Variants in FGF14 observed in about 807,000 individuals in gnomAD.
FGF14 encodes fibroblast growth factor homologous factor 4.
Under a neutral mutation model 25.5 loss-of-function variants are expected in FGF14, and 5 were observed. That is an observed-to-expected ratio of 0.20 (90% CI 0.10 to 0.41). The LOEUF is 0.41. Among genes scored for constraint, FGF14 ranks in the 10% least tolerant of loss-of-function variants. The probability of loss-of-function intolerance (pLI) is 1.00; values close to 1 mark genes in which losing one functional copy is unlikely to be tolerated. For synonymous variants in FGF14, 138 were observed against 118.3 expected, an observed-to-expected ratio of 1.17 and a Z score of -1.08; for missense variants, 222 against 320.1, an observed-to-expected ratio of 0.69 and a Z score of 2.34.
intron 1 of FGF14, 29 bp from the exon 2 acceptor site, chr13:101,875,325 C>A: frequency 3.5e-6 from 5 of 1,431,902 alleles, no homozygotes; most frequent in Non-Finnish European, 4.9e-6. Flanking sequence ...TATCATAAGC[C>A]TCACAATGTG....
chr13:102,061,662 G>GCTTCT (rs2042695957), intron 1 of FGF14, among the ~76,000 whole-genome samples: 1 of 152,142 alleles, frequency 6.6e-6, no homozygotes. Context: ...CTAAAACCTG[G>GCTTCT]AGAGTCTTTG....
chr13:102,284,909 A>G (rs1303864816), intron 1 of FGF14, among the ~76,000 whole-genome samples: 2 of 149,024 alleles, frequency 1.3e-5, no homozygotes, highest in Middle Eastern at 3.4e-3. Flanking sequence ...TTCCTTTTCT[A>G]TTTCTCTCTC....
rs569480661 is a variant in FGF14 at position 101,831,673 on chromosome 13, CT to C, written c.408+37051del. Among the ~76,000 whole-genome samples, 474 of 152,218 alleles carry C rather than the reference CT, an allele frequency of 3.1e-3. 3 individuals carry two copies. Among genetic ancestry groups the C allele is most frequent in the Admixed American group, 4.8e-3 (73 of 15,276 alleles). ...TATTCACTCATTTAGTAAGCATTTA[CT>C]TTTCTACTGTACCAGACTCTGCATA... On this transcript the variant is annotated intron_variant, in intron 3 of 4. Coordinates refer to ENST00000376143, the MANE Select transcript of FGF14 (RefSeq NM_004115.4).
intron 1 of FGF14, among the ~76,000 whole-genome samples, chr13:101,986,377 C>G (rs1376819251): frequency 6.6e-6 from 1 of 152,204 alleles, no homozygotes; most frequent in East Asian, 1.9e-4. Flanking sequence ...AGTTCAATAA[C>G]TTTCTCATAT....
At chr13:101,865,121 C>T (rs1028449133) in intron 3 of FGF14, among the ~76,000 whole-genome samples, 1 of 152,164 alleles carries the variant, frequency 6.6e-6, no homozygotes, top group Non-Finnish European at 1.5e-5. Flanking sequence ...GCCAGAAACA[C>T]ATTCTCACTT....
intron 1 of FGF14, among the ~76,000 whole-genome samples, chr13:101,907,179 T>C (rs1186998290): frequency 1.3e-5 from 2 of 152,134 alleles, no homozygotes; most frequent in African/African-American, 2.4e-5. Context: ...AGCCACTCTG[T>C]CCAAACACAA....
At chr13:101,780,351 T>TA (rs1047387068) in intron 3 of FGF14, among the ~76,000 whole-genome samples, 2 of 152,182 alleles carry the variant, frequency 1.3e-5, no homozygotes, top group Non-Finnish European at 2.9e-5. Context: ...CAGCCAGAAA[T>TA]ACTGCTGCTG....
At chr13:102,014,718 TG>T (rs554724313) in intron 1 of FGF14, among the ~76,000 whole-genome samples, 5 of 152,192 alleles carry the variant, frequency 3.3e-5, no homozygotes, top group African/African-American at 4.8e-5. Flanking sequence ...CGTATGTAAA[TG>T]ATTATTTCAT....
intron 1 of FGF14, among the ~76,000 whole-genome samples, chr13:102,202,567 TG>T (rs35925961): frequency 6.6e-6 from 1 of 152,208 alleles, no homozygotes; most frequent in African/African-American, 2.4e-5. Flanking sequence ...CCTGCTGCAT[TG>T]GGGGAAAAAG....
chr13:102,150,465 T>C (rs2047035851), intron 1 of FGF14, among the ~76,000 whole-genome samples: 1 of 152,222 alleles, frequency 6.6e-6, no homozygotes, highest in East Asian at 1.9e-4. Flanking sequence ...GGGTTCTTCA[T>C]GTGCCCACCA....
At chr13:101,807,534 G>A (rs2140164570) in intron 3 of FGF14, among the ~76,000 whole-genome samples, 1 of 152,112 alleles carries the variant, frequency 6.6e-6, no homozygotes, top group East Asian at 1.9e-4. Context: ...TGTGCATTTT[G>A]CTGTGTTGAG....
chr13:101,914,326 TG>T lies in FGF14; in HGVS notation c.193+2126del, dbSNP rs765997976. 3.6e-4 allele frequency among the ~76,000 whole-genome samples: 55 copies of T among 151,838 alleles called. 1 individual carries two copies. The East Asian group carries it at 5.4e-3, about 15-fold the overall frequency. On this transcript the variant is annotated intron_variant, in intron 1 of 4. Transcript: ENST00000376143. ...TGATACTAATAAATTAATCCTTTTC[TG>T]ATACTCAAGAGATATATCTGTATTT...
intron 3 of FGF14, among the ~76,000 whole-genome samples, chr13:101,815,217 T>C (rs1245873150): frequency 6.6e-6 from 1 of 152,150 alleles, no homozygotes; most frequent in Non-Finnish European, 1.5e-5. Context: ...TAAATTACCA[T>C]AACTGGACTG....
At chr13:102,083,647 A>G (rs1384496421) in intron 1 of FGF14, among the ~76,000 whole-genome samples, 3 of 152,236 alleles carry the variant, frequency 2.0e-5, no homozygotes, top group Non-Finnish European at 4.4e-5. Context: ...TTGCCTATTC[A>G]GGCTGAACCA....
At chr13:101,741,769 G>A (rs1216002137) in intron 3 of FGF14, among the ~76,000 whole-genome samples, 1 of 151,964 alleles carries the variant, frequency 6.6e-6, no homozygotes, top group African/African-American at 2.4e-5. Flanking sequence ...TCATAGATTA[G>A]TTCTTCTATT....
At chr13:102,273,582 T>G (rs1323235501) in intron 1 of FGF14, among the ~76,000 whole-genome samples, 1 of 152,230 alleles carries the variant, frequency 6.6e-6, no homozygotes, top group East Asian at 1.9e-4. Flanking sequence ...AGTAACAGAT[T>G]GTGTGTGTAC....
At chr13:102,246,858 A>G (rs895349749) in intron 1 of FGF14, among the ~76,000 whole-genome samples, 4 of 152,026 alleles carry the variant, frequency 2.6e-5, no homozygotes, top group African/African-American at 9.7e-5. Flanking sequence ...TGCTGCAGTA[A>G]CCAAAACATC....
chr13:102,360,853 G>A (rs983351922), intron 1 of FGF14, among the ~76,000 whole-genome samples: 7 of 152,020 alleles, frequency 4.6e-5, no homozygotes, highest in African/African-American at 1.7e-4. Flanking sequence ...ACACTGGACA[G>A]TACACATACT....
At chr13:101,916,371 G>T (rs1344834931) in intron 1 of FGF14, 82 bp downstream of exon 1, 1 of 1,536,114 alleles carries the variant, frequency 6.5e-7, no homozygotes. Flanking sequence ...AAAACCGAGG[G>T]AGGGAAGGAG....
Sources: allele counts gnomAD v4.1 joint callset (sites outside exome capture counted in the v4.1 genomes callset), GRCh38; gene constraint gnomAD v4.1.1; transcripts MANE v1.5; gene names NCBI Gene and HGNC (gene_info 2026-07-23, HGNC 2026-07-21).